Variants in NSMCE2 observed in about 807,000 individuals in gnomAD.
NSMCE2 encodes the protein NSE2 SUMO ligase component of SMC5/6 complex, also known as E3 SUMO-protein ligase NSE2.
NSMCE2 carries 24 observed loss-of-function variants against 23.8 expected under a neutral mutation model. The observed-to-expected ratio is 1.01, with a 90% CI of 0.73 to 1.42. The LOEUF is 1.42. Among genes scored for constraint, NSMCE2 ranks in the 40% most tolerant of loss-of-function variants. The pLI is 0.00. For synonymous variants in NSMCE2, 92 were observed against 94.1 expected (o/e 0.98, Z 0.13); for missense variants, 284 against 296.5 (o/e 0.96, Z 0.31).
chr8:125,105,376 G>A (rs1586431475), intron 3 of NSMCE2, among the ~76,000 whole-genome samples: 1 of 152,132 alleles, frequency 6.6e-6, no homozygotes, highest in South Asian at 2.1e-4. Flanking sequence ...AACCATAAGA[G>A]AGAAGACTGG....
At chr8:125,291,653 G>T (rs1828110515) in intron 5 of NSMCE2, among the ~76,000 whole-genome samples, 1 of 152,216 alleles carries the variant, frequency 6.6e-6, no homozygotes, top group African/African-American at 2.4e-5. Flanking sequence ...TGATCTTAGT[G>T]ATGGTAAAGA....
At chr8:125,174,926 G>A (rs1822405068) in intron 4 of NSMCE2, among the ~76,000 whole-genome samples, 1 of 152,186 alleles carries the variant, frequency 6.6e-6, no homozygotes, top group African/African-American at 2.4e-5. Flanking sequence ...TGTGCAACTG[G>A]CAACAGAAAC....
intron 3 of NSMCE2, among the ~76,000 whole-genome samples, chr8:125,109,936 G>T (rs982610506): frequency 6.6e-6 from 1 of 151,950 alleles, no homozygotes; most frequent in Non-Finnish European, 1.5e-5. Flanking sequence ...TGAGATTACC[G>T]AAGCTTATTT....
At chr8:125,199,146 T>C (rs567844207) in intron 5 of NSMCE2, among the ~76,000 whole-genome samples, 49 of 152,176 alleles carry the variant, frequency 3.2e-4, no homozygotes, top group African/African-American at 1.1e-3. Flanking sequence ...CCTGGATTCA[T>C]TGATTTTTTG....
At chr8:125,331,617 C>A (rs552705827) in intron 5 of NSMCE2, among the ~76,000 whole-genome samples, 2 of 151,858 alleles carry the variant, frequency 1.3e-5, no homozygotes, top group South Asian at 2.1e-4. Flanking sequence ...TAACCAGATT[C>A]TTTTTATACA....
chr8:125,097,119 A>G (rs1817978461), intron 1 of NSMCE2, among the ~76,000 whole-genome samples: 1 of 152,210 alleles, frequency 6.6e-6, no homozygotes, highest in Non-Finnish European at 1.5e-5. Flanking sequence ...TTTCAATGCA[A>G]ATGTTTGAAG....
At chr8:125,165,495 G>A (rs1322861324) in intron 4 of NSMCE2, among the ~76,000 whole-genome samples, 3 of 152,066 alleles carry the variant, frequency 2.0e-5, no homozygotes, top group Non-Finnish European at 2.9e-5. Context: ...GATTTTACTG[G>A]GTGGCCATCA....
intron 4 of NSMCE2, among the ~76,000 whole-genome samples, chr8:125,154,909 C>T (rs1225753733): frequency 6.6e-6 from 1 of 152,140 alleles, no homozygotes; most frequent in African/African-American, 2.4e-5. Flanking sequence ...TTATTAAGTA[C>T]ATTGAAGAGA....
intron 5 of NSMCE2, among the ~76,000 whole-genome samples, chr8:125,185,466 C>A (rs762257576): frequency 6.6e-6 from 1 of 152,084 alleles, no homozygotes; most frequent in Non-Finnish European, 1.5e-5. Context: ...GCCACCAAAC[C>A]CAGCTAATTT....
chr8:125,098,091 T>C (rs934873456), intron 1 of NSMCE2, among the ~76,000 whole-genome samples: 3 of 152,170 alleles, frequency 2.0e-5, no homozygotes, highest in Non-Finnish European at 4.4e-5. Flanking sequence ...ATCAGCAAAA[T>C]CTACATTACC....
chr8:125,322,712 G>A (rs1349181382), intron 5 of NSMCE2, among the ~76,000 whole-genome samples: 1 of 152,132 alleles, frequency 6.6e-6, no homozygotes, highest in Non-Finnish European at 1.5e-5. Context: ...AAAATCCAAT[G>A]AAATCTACAA....
At chr8:125,356,724 G>A (rs1036280164) in intron 5 of NSMCE2, among the ~76,000 whole-genome samples, 3 of 152,256 alleles carry the variant, frequency 2.0e-5, no homozygotes, top group Admixed American at 2.0e-4. Context: ...GCTTAAAAGA[G>A]TTCATACCTA....
At chr8:125,096,412 C>T (rs1817932332) in intron 1 of NSMCE2, among the ~76,000 whole-genome samples, 1 of 152,100 alleles carries the variant, frequency 6.6e-6, no homozygotes, top group South Asian at 2.1e-4. Context: ...TTTGCTATTG[C>T]ATTTACTATA....
intron 5 of NSMCE2, among the ~76,000 whole-genome samples, chr8:125,202,682 C>T (rs1823937231): frequency 6.6e-6 from 1 of 152,032 alleles, no homozygotes; most frequent in Non-Finnish European, 1.5e-5. Context: ...TATTTTTGAA[C>T]TTATTAGAGG....
chr8:125,175,360 C>G (rs1291171098), intron 4 of NSMCE2, among the ~76,000 whole-genome samples: 1 of 152,122 alleles, frequency 6.6e-6, no homozygotes, highest in Non-Finnish European at 1.5e-5. Context: ...AGTCCCATAA[C>G]CTTAGATCAC....
intron 5 of NSMCE2, among the ~76,000 whole-genome samples, chr8:125,237,785 C>T (rs1016049404): frequency 3.4e-4 from 52 of 152,176 alleles, no homozygotes; most frequent in African/African-American, 1.2e-3. Flanking sequence ...TTGTGGCCAT[C>T]TGTTGGCACA....
At chr8:125,099,274 G>A (rs1310694221) in intron 1 of NSMCE2, among the ~76,000 whole-genome samples, 4 of 152,108 alleles carry the variant, frequency 2.6e-5, no homozygotes, top group Non-Finnish European at 5.9e-5. Flanking sequence ...TGGAGATTGG[G>A]AGGGCTTGCC....
intron 3 of NSMCE2, among the ~76,000 whole-genome samples, chr8:125,107,517 T>A (rs748684886): frequency 2.6e-5 from 4 of 152,022 alleles, no homozygotes; most frequent in African/African-American, 4.8e-5. Flanking sequence ...TAAATGAAAC[T>A]AGCATTTGTT....
intron 5 of NSMCE2, among the ~76,000 whole-genome samples, chr8:125,280,638 C>T (rs969441192): frequency 6.6e-6 from 1 of 152,032 alleles, no homozygotes; most frequent in African/African-American, 2.4e-5. Context: ...ATTTGAAGTC[C>T]AGCTGATTAT....
Sources: gnomAD v4.1 joint callset for allele counts (sites outside exome capture counted in the v4.1 genomes callset) on GRCh38, gnomAD v4.1.1 for gene constraint, MANE v1.5 for transcripts, NCBI Gene and HGNC (gene_info 2026-07-23, HGNC 2026-07-21) for gene names.